Variants in GABRB2 observed in about 807,000 individuals in gnomAD.
GABRB2 encodes gamma-aminobutyric acid type A receptor subunit beta2.
GABRB2 carries 16 observed loss-of-function variants against 54.7 expected under a neutral mutation model. The ratio of observed to expected loss-of-function variants is 0.29; its 90% CI spans 0.20 to 0.44. The LOEUF is 0.44. GABRB2 is among the 20% of genes least tolerant of loss of function. The pLI, the probability that GABRB2 is intolerant of heterozygous loss-of-function variation, is 1.00. For missense variants in GABRB2, 355 were observed against 644.0 expected (o/e 0.55, Z 4.86); for synonymous variants, 244 against 233.8 (o/e 1.04, Z -0.40).
rs147463190 is a variant in GABRB2 at position 161,291,279 on chromosome 5, A to T, written c.*2802T>A. On this transcript the variant is annotated 3_prime_UTR_variant, in exon 10 of 10. Coordinates refer to ENST00000393959, the MANE Select transcript of GABRB2 (RefSeq NM_001371727.1). ...TTTATAATTAAAAGAAAATCTATAC[A>T]TATGTATAAACTGATAGTAATCCCA... 1 of 152,420 alleles carries T rather than the reference A, an allele frequency of 6.6e-6. No homozygotes were observed. Among genetic ancestry groups the T allele is most frequent in the East Asian group, 1.9e-4 (1 of 5,184 alleles). 9.4% of individuals were successfully genotyped at this position (152,420 alleles called of 1,614,324 possible). A position where few individuals can be genotyped will look rare whatever the true frequency, so the allele number is the denominator to read the frequency against.
intron 8 of GABRB2, chr5:161,326,852 G>T: frequency 3.0e-6 from 1 of 332,688 alleles, no homozygotes; most frequent in Middle Eastern, 1.5e-3. Context: ...AGGTGCATTT[G>T]ATATGTGCAA....
chr5:161,357,806 C>A (rs1447309760), intron 5 of GABRB2, among the ~76,000 whole-genome samples: 2 of 151,976 alleles, frequency 1.3e-5, no homozygotes, highest in Non-Finnish European at 2.9e-5. Context: ...CAATTATGAC[C>A]TCAAGGTTCC....
Position 161,431,631 on chromosome 5 carries a change from C to G in GABRB2, c.459-20574G>C, listed in dbSNP as rs77055042. ...TTCGACAAAAAGCAGGTAAAGTGCCCAAGAATATAAAGCAGTTTCTACATT... is the reference window on the plus strand; with the variant it reads ...TTCGACAAAAAGCAGGTAAAGTGCCGAAGAATATAAAGCAGTTTCTACATT... On this transcript the variant is annotated intron_variant, in intron 4 of 9. Transcript: ENST00000393959. Among the ~76,000 whole-genome samples, 119 of 152,186 alleles carry G rather than the reference C, an allele frequency of 7.8e-4. 1 individual carries two copies. In the East Asian group the frequency reaches 0.021, roughly 27 times the overall value.
chr5:161,469,020 A>G (rs1758359155), intron 3 of GABRB2, among the ~76,000 whole-genome samples: 1 of 151,920 alleles, frequency 6.6e-6, no homozygotes, highest in African/African-American at 2.4e-5. Context: ...TGAGAAGACT[A>G]CAAAACAATA....
chr5:161,337,539 T>A (rs1412122811), intron 5 of GABRB2, among the ~76,000 whole-genome samples: 2 of 152,096 alleles, frequency 1.3e-5, no homozygotes, highest in Admixed American at 1.3e-4. Context: ...ACACCTACTA[T>A]GCATATCAGG....
At chr5:161,466,701 C>A (rs193063073) in intron 3 of GABRB2, among the ~76,000 whole-genome samples, 4 of 152,142 alleles carry the variant, frequency 2.6e-5, no homozygotes, top group Admixed American at 6.6e-5. Flanking sequence ...TTGTCTCAAG[C>A]CTGCAGGTTG....
intron 5 of GABRB2, among the ~76,000 whole-genome samples, chr5:161,347,644 C>A (rs1349839870): frequency 6.6e-6 from 1 of 152,100 alleles, no homozygotes; most frequent in Non-Finnish European, 1.5e-5. Context: ...AGACAGTCTT[C>A]AGCCCACCTG....
chr5:161,433,956 ATC>A (rs1580982359), intron 4 of GABRB2, among the ~76,000 whole-genome samples: 2 of 152,174 alleles, frequency 1.3e-5, no homozygotes, highest in Non-Finnish European at 1.5e-5. Flanking sequence ...AACATGCTAA[ATC>A]TCTGTCTCAA....
At chr5:161,517,192 G>T (rs1759976369) in intron 3 of GABRB2, among the ~76,000 whole-genome samples, 2 of 152,118 alleles carry the variant, frequency 1.3e-5, no homozygotes, top group Non-Finnish European at 2.9e-5. Flanking sequence ...TGATGAAGGG[G>T]TTATATTAGT....
chr5:161,375,069 C>A (rs1386142704), intron 5 of GABRB2, among the ~76,000 whole-genome samples: 1 of 152,152 alleles, frequency 6.6e-6, no homozygotes, highest in Non-Finnish European at 1.5e-5. Flanking sequence ...TGATTATTTG[C>A]TTTTCACATA....
At chr5:161,386,724 T>C (rs1417680748) in intron 5 of GABRB2, among the ~76,000 whole-genome samples, 1 of 150,248 alleles carries the variant, frequency 6.7e-6, no homozygotes, top group Non-Finnish European at 1.5e-5. Context: ...GTATTTTTGG[T>C]GGAGGTGGGG....
chr5:161,435,886 A>G (rs940237958), intron 4 of GABRB2, among the ~76,000 whole-genome samples: 3 of 152,190 alleles, frequency 2.0e-5, no homozygotes, highest in Admixed American at 1.3e-4. Flanking sequence ...AAATTTATAG[A>G]TTTTGTTTTC....
chr5:161,383,242 C>T (rs918433487), intron 5 of GABRB2, among the ~76,000 whole-genome samples: 1 of 152,056 alleles, frequency 6.6e-6, no homozygotes, highest in Non-Finnish European at 1.5e-5. Context: ...TGTTTGTACC[C>T]TTTGATCAAC....
chr5:161,441,371 C>A (rs75531898), intron 4 of GABRB2, among the ~76,000 whole-genome samples: 3,278 of 152,218 alleles, frequency 0.022, 125 homozygotes, highest in African/African-American at 0.074. Flanking sequence ...CATCTCAGAT[C>A]ATCAGAGAAA....
chr5:161,332,146 A>AGG (rs1753868727), intron 7 of GABRB2, among the ~76,000 whole-genome samples: 1 of 143,014 alleles, frequency 7.0e-6, no homozygotes, highest in Non-Finnish European at 1.5e-5. Context: ...CGCCTGGGCC[A>AGG]CACAGCAAGA....
chr5:161,385,510 A>G (rs1755597610), intron 5 of GABRB2, among the ~76,000 whole-genome samples: 1 of 152,196 alleles, frequency 6.6e-6, no homozygotes, highest in South Asian at 2.1e-4. Context: ...TGGAGACAAA[A>G]GACTCTGGGT....
intron 4 of GABRB2, among the ~76,000 whole-genome samples, chr5:161,433,865 T>G (rs1757240782): frequency 6.6e-6 from 1 of 152,174 alleles, no homozygotes; most frequent in African/African-American, 2.4e-5. Flanking sequence ...TCTTCCTATG[T>G]TTCTGTGAAA....
chr5:161,431,462 T>G (rs1340376851), intron 4 of GABRB2, among the ~76,000 whole-genome samples: 3 of 152,188 alleles, frequency 2.0e-5, no homozygotes, highest in Admixed American at 2.0e-4. Flanking sequence ...TGTTTTCTAT[T>G]AAAAGTATAC....
chr5:161,482,145 C>A (rs1758780846), intron 3 of GABRB2, among the ~76,000 whole-genome samples: 1 of 152,000 alleles, frequency 6.6e-6, no homozygotes, highest in South Asian at 2.1e-4. Context: ...TGCCTTCAAA[C>A]TTTCCCATTC....
Sources: gnomAD v4.1 joint callset for allele counts (sites outside exome capture counted in the v4.1 genomes callset) on GRCh38, gnomAD v4.1.1 for gene constraint, MANE v1.5 for transcripts, NCBI Gene and HGNC (gene_info 2026-07-23, HGNC 2026-07-21) for gene names.